FAM151A: variants seen among roughly 807,000 people sequenced by gnomAD.
FAM151A encodes family with sequence similarity 151 member A.
In FAM151A, 41 loss-of-function variants were observed where a neutral mutation model predicts 40.4. The observed-to-expected ratio is 1.01, with a 90% confidence interval of 0.79 to 1.32. The LOEUF (loss-of-function observed/expected upper bound fraction) is 1.32. Among genes scored for constraint, FAM151A ranks in the 40% most tolerant of loss-of-function variants. FAM151A has a pLI of 0.00. For missense variants in FAM151A, 740 were observed against 740.4 expected (o/e 1.00, Z 0.01); for synonymous variants, 337 against 312.5 (o/e 1.08, Z -0.83).
rs373870128 is a variant in FAM151A at position 54,614,720 on chromosome 1, T to C, written c.555A>G (p.Ser185=). ...DILKGPNMLI[S]TEVNATQFLA... ...CTCACTGTGTGGCATTGACCTCAGT[T>C]GAGATGAGCATGTTGGGGCCCTTTA... Residue 185 remains serine (S), a synonymous_variant, in exon 4 of 8, where the codon TCA becomes TCG. Coordinates refer to ENST00000302250, the MANE Select transcript of FAM151A (RefSeq NM_176782.3). The C allele has an allele frequency of 2.6e-5, 42 of 1,613,534 alleles. 1 individual carries two copies. The highest frequency in any genetic ancestry group is 1.6e-4 in the Middle Eastern group (1 of 6,064).
At chr1:54,618,247 T>C (rs1644195569) in intron 2 of FAM151A, among the ~76,000 whole-genome samples, 1 of 152,138 alleles carries the variant, frequency 6.6e-6, no homozygotes, top group South Asian at 2.1e-4. Flanking sequence ...CTCAGACCTG[T>C]AATCCTAGCA....
intron 6 of FAM151A, chr1:54,611,138 T>A: frequency 1.5e-6 from 1 of 647,382 alleles, no homozygotes; most frequent in Non-Finnish European, 1.9e-6. Context: ...AGTTTCTCTA[T>A]AAAATGAATG....
intron 3 of FAM151A, 80 bp from the exon 4 acceptor site, chr1:54,614,939 GGTGTGT>G (rs71045199): frequency 9.1e-6 from 11 of 1,210,072 alleles, no homozygotes; most frequent in South Asian, 5.8e-5. Flanking sequence ...AAGCAGAGCG[GGTGTGT>G]GTGTGTGTGC....
At chr1:54,609,992 G>A in intron 7 of FAM151A, 51 bp from the exon 8 acceptor site, 2 of 1,550,330 alleles carry the variant, frequency 1.3e-6, no homozygotes, top group Non-Finnish European at 1.7e-6. Flanking sequence ...TTATCATAAG[G>A]TGTTAAGAGT....
intron 1 of FAM151A, 110 bp from the exon 2 acceptor site, chr1:54,620,117 CTGG>C: frequency 8.5e-7 from 1 of 1,170,582 alleles, no homozygotes; most frequent in Non-Finnish European, 1.2e-6. Flanking sequence ...AGTACCCCAT[CTGG>C]CAGAGGGACG....
intron 2 of FAM151A, among the ~76,000 whole-genome samples, chr1:54,616,905 T>C (rs1644178884): frequency 6.6e-6 from 1 of 152,168 alleles, no homozygotes; most frequent in South Asian, 2.1e-4. Flanking sequence ...TTAGTCTTGC[T>C]ATGTTGCCCT....
chr1:54,612,745 C>A, intron 4 of FAM151A, 35 bp from the exon 5 acceptor site: 1 of 1,537,682 alleles, frequency 6.5e-7, no homozygotes, highest in Non-Finnish European at 9.0e-7. Context: ...TCTCACGGAG[C>A]TGCAGCGGCC....
In FAM151A at chr1:54,609,821, A is replaced by C. The variant is rs765712519; in HGVS notation, c.1205T>G (p.Leu402Arg). The change falls in exon 8 of 8, where the codon CTG (leucine) becomes CGG (arginine). Residue 402 changes from leucine to arginine, a missense_variant. Leu to Arg is a moderately radical substitution (Grantham distance 102). Transcript: ENST00000302250. ...ILTLESCLQQ[L>R]ATHPGHWGIH... Reference sequence around the variant, plus strand: ...GCCCCAGTGTCCGGGATGTGTGGCCAGCTGCTGCAGGCAGGACTCCAGCGT... The same window carrying C: ...GCCCCAGTGTCCGGGATGTGTGGCCCGCTGCTGCAGGCAGGACTCCAGCGT... 4 of 1,614,214 alleles carry C rather than the reference A, an allele frequency of 2.5e-6. No individual in the cohort carries two copies. In the Admixed American group the frequency reaches 6.7e-5, roughly 27 times the overall value.
Position 54,617,461 on chromosome 1 carries a change from T to TA in FAM151A, c.263-1290dup, listed in dbSNP as rs35936174. Among the ~76,000 whole-genome samples, 863 of 133,990 alleles carry TA rather than the reference T, an allele frequency of 6.4e-3. 6 individuals are homozygous for TA. Among genetic ancestry groups the TA allele is most frequent in the East Asian group, 0.022 (101 of 4,644 alleles). The allele number at this position is 133,990 out of a possible 152,430, so 87.9% of individuals were successfully genotyped here. A position where few individuals can be genotyped will look rare whatever the true frequency, so the allele number is the denominator to read the frequency against. On this transcript the variant is annotated intron_variant, in intron 2 of 7. Coordinates refer to ENST00000302250, the MANE Select transcript of FAM151A (RefSeq NM_176782.3). ...TGTACCTGATCATGTCACTTTCTGT[T>TA]AAAAAAAAAAAAAAAAAGGCCAGAA... is the stretch of plus-strand genomic sequence containing the variant.
intron 3 of FAM151A, 50 bp downstream of exon 3, chr1:54,615,970 C>T (rs1018806264): frequency 6.3e-7 from 1 of 1,597,922 alleles, no homozygotes; most frequent in Non-Finnish European, 8.5e-7. Context: ...ACATGCTGCC[C>T]CAGGGCCAGA....
chr1:54,610,526 T>G lies in FAM151A; in HGVS notation c.970A>C (p.Thr324Pro), dbSNP rs992285849. The change falls in exon 7 of 8, where the codon ACG becomes CCG. Residue 324 changes from threonine (T) to proline (P), a missense_variant. Physicochemically the swap from Thr to Pro is conservative, Grantham distance 38. Transcript: ENST00000302250. ...AGAAGAGGGATCAGGCTGCCTCCCG[T>G]GTAGTACATTGGTTTCCGTGTGGCA... is the stretch of plus-strand genomic sequence containing the variant. ...LNATRKPMYYTGGSLIPLLQL... is the reference protein window; with the variant it reads ...LNATRKPMYYPGGSLIPLLQL... The G allele has an allele frequency of 6.2e-7, 1 of 1,613,162 alleles. No homozygotes were observed. The highest frequency in any genetic ancestry group is 1.3e-5 in the African/African-American group (1 of 74,894).
chr1:54,611,332 G>A (rs946124414), intron 6 of FAM151A, among the ~76,000 whole-genome samples: 3 of 152,044 alleles, frequency 2.0e-5, no homozygotes, highest in African/African-American at 2.4e-5. Flanking sequence ...CCCAGGAGGC[G>A]GAGGTTACAG....
At chr1:54,614,938 G>GT in intron 3 of FAM151A, 79 bp from the exon 4 acceptor site, 6 of 1,280,630 alleles carry the variant, frequency 4.7e-6, no homozygotes, top group South Asian at 4.2e-5. Flanking sequence ...AAAGCAGAGC[G>GT]GGTGTGTGTG....
At chr1:54,613,896 T>C (rs1057261630) in intron 4 of FAM151A, among the ~76,000 whole-genome samples, 7 of 152,110 alleles carry the variant, frequency 4.6e-5, no homozygotes, top group African/African-American at 1.7e-4. Flanking sequence ...AAGGCCTGGG[T>C]TTGAATCTTT....
Position 54,610,897 on chromosome 1 carries a change from G to C in FAM151A, c.941-342C>G, listed in dbSNP as rs72903827. On this transcript the variant is annotated intron_variant, in intron 6 of 7. Coordinates refer to ENST00000302250, the MANE Select transcript of FAM151A (RefSeq NM_176782.3). ...GCTTAACTGCGGCTCTTCTGGGTTCGGGGTCAAGGGAATGAGGGGTTTGGA... is the reference window on the plus strand; with the variant it reads ...GCTTAACTGCGGCTCTTCTGGGTTCCGGGTCAAGGGAATGAGGGGTTTGGA... The C allele has an allele frequency of 3.6e-5, 35 of 985,166 alleles. No individual in the cohort carries two copies. In the African/African-American group the frequency reaches 6.1e-4, roughly 17 times the overall value. 61.0% of individuals were successfully genotyped at this position (985,166 alleles called of 1,614,324 possible).
Position 54,612,637 on chromosome 1 carries a change from T to G in FAM151A, c.649A>C (p.Thr217Pro), listed in dbSNP as rs147577669. The G allele has an allele frequency of 3.1e-3, 4,975 of 1,614,050 alleles. 145 individuals carry two copies. The African/African-American group carries it at 0.058, about 19-fold the overall frequency. The part of the protein sequence containing the change: ...SPGWTTFYMS[T>P]SPNRTYTQAM... ...TGGGTGTACGTCCTGTTTGGGGACG[T>G]GGACATGTAGAAGGTGGTCCAGCCT... Residue 217 changes from threonine (T) to proline (P), a missense_variant, in exon 5 of 8, where the codon ACG becomes CCG. Transcript: ENST00000302250.
In FAM151A at chr1:54,609,701, C is replaced by T; in HGVS notation, c.1325G>A (p.Trp442Ter). ...SSLGLLHWPV[W>*]VGAKISHGSF... ...CCCGTGGGAGATTTTGGCCCCAACC[C>T]ACACAGGCCAATGCAAGAGGCCAAG... Residue 442 changes from tryptophan to a stop codon, truncating the protein, a stop_gained, in exon 8 of 8, where the codon TGG becomes TAG. Transcript: ENST00000302250. LOFTEE classifies it low-confidence loss of function (END_TRUNC). The T allele has an allele frequency of 1.2e-6, 2 of 1,614,114 alleles. No individual in the cohort carries two copies. Among genetic ancestry groups the T allele is most frequent in the Non-Finnish European group, 1.7e-6 (2 of 1,180,034 alleles).
At position 54,614,613 on chromosome 1, in the gene FAM151A, C is replaced by T. The variant is rs182802782; in HGVS notation, c.575+87G>A. 1.0e-4 allele frequency: 146 copies of T among 1,391,854 alleles called. No homozygotes were observed. In the African/African-American group the frequency reaches 1.7e-3, roughly 16 times the overall value. 86.2% of individuals were successfully genotyped at this position (1,391,854 alleles called of 1,614,324 possible). A position where few individuals can be genotyped will look rare whatever the true frequency, so the allele number is the denominator to read the frequency against. ...TATATATAGTATGATTGGAGACAAA[C>T]TCAGAGGTCCCCTAAGATCCCCATC... On this transcript the variant is annotated intron_variant, in intron 4 of 7. Transcript: ENST00000302250.
chr1:54,612,750 G>A (rs1448009654), intron 4 of FAM151A, 40 bp from the exon 5 acceptor site: 5 of 1,519,260 alleles, frequency 3.3e-6, no homozygotes, highest in Non-Finnish European at 3.6e-6. Flanking sequence ...CGGAGCTGCA[G>A]CGGCCCCTTC....
Sources: allele counts gnomAD v4.1 joint callset (sites outside exome capture counted in the v4.1 genomes callset), GRCh38; gene constraint gnomAD v4.1.1; transcripts MANE v1.5; gene names NCBI Gene and HGNC (gene_info 2026-07-23, HGNC 2026-07-21).